The following THADA variants were observed in gnomAD, a reference collection of about 807,000 sequenced individuals.
THADA encodes the protein tRNA (32-2'-O)-methyltransferase regulator THADA.
Under a neutral mutation model 219.8 loss-of-function variants are expected in THADA, and 213 were observed. The ratio of observed to expected loss-of-function variants is 0.97; its 90% CI spans 0.87 to 1.09. THADA has a LOEUF of 1.09. Ranked by LOEUF, THADA falls within the 50% of genes least tolerant of loss-of-function variation. The pLI is 0.00. For synonymous variants in THADA, 1,018 were observed against 828.9 expected (o/e 1.23, Z -3.92); for missense variants, 2,956 against 2,311.3 (o/e 1.28, Z -5.72).
chr2:43,241,943 A>G (rs977442393), intron 36 of THADA, among the ~76,000 whole-genome samples: 1 of 152,182 alleles, frequency 6.6e-6, no homozygotes, highest in Non-Finnish European at 1.5e-5. Flanking sequence ...TGGTCTCCCC[A>G]CACTGCTATC....
At position 43,430,658 on chromosome 2, in the gene THADA, AG is replaced by A. The variant is rs1217715311; in HGVS notation, c.3837-357del. 8.7e-6 allele frequency: 4 copies of A among 458,144 alleles called. No homozygotes were observed. The Admixed American group carries it at 9.4e-5, about 11-fold the overall frequency. 28.4% of individuals were successfully genotyped at this position (458,144 alleles called of 1,614,324 possible). On this transcript the variant is annotated intron_variant, in intron 26 of 37. Transcript: ENST00000405975. The stretch of plus-strand genomic sequence containing the variant: ...ACACCAGATTGACTGAGACTGACTC[AG>A]CTTCAGTGATAAGGACAGGTCTAGA...
intron 15 of THADA, chr2:43,562,515 G>C (rs1698191117): frequency 1.3e-5 from 2 of 152,242 alleles, no homozygotes. Context: ...CAAAGTGGTG[G>C]GATTACAGGC....
At chr2:43,264,818 T>C (rs888080846) in intron 36 of THADA, among the ~76,000 whole-genome samples, 2 of 152,204 alleles carry the variant, frequency 1.3e-5, no homozygotes, top group African/African-American at 4.8e-5. Context: ...TTGGAAGATT[T>C]CTTGCACCCA....
At chr2:43,362,299 G>T (rs1329327690) in intron 29 of THADA, among the ~76,000 whole-genome samples, 3 of 152,142 alleles carry the variant, frequency 2.0e-5, no homozygotes, top group African/African-American at 7.2e-5. Flanking sequence ...AATTATGGGT[G>T]CATGTGTTTA....
Position 43,578,568 on chromosome 2 carries a change from G to C in THADA, c.761C>G (p.Ala254Gly), listed in dbSNP as rs2104068103. 1.2e-6 allele frequency: 2 copies of C among 1,612,830 alleles called. No homozygotes were observed. The highest frequency in any genetic ancestry group is 1.7e-6 in the Non-Finnish European group (2 of 1,179,108). The change falls in exon 9 of 38, where the codon GCT becomes GGT. Residue 254 changes from alanine to glycine, a missense_variant. Physicochemically the swap from Ala to Gly is moderately conservative, Grantham distance 60. Coordinates refer to ENST00000405975, the MANE Select transcript of THADA (RefSeq NM_022065.5). The part of the protein sequence containing the change: ...LQTVQSTSGL[A>G]IILFIKTMFH... Reference sequence around the variant, plus strand: ...CATAGTCTTAATAAAAAGAATAATAGCTAATCCAGATGTGCTCTGTACAGT... The same window carrying C: ...CATAGTCTTAATAAAAAGAATAATACCTAATCCAGATGTGCTCTGTACAGT...
intron 29 of THADA, among the ~76,000 whole-genome samples, chr2:43,382,913 C>G (rs1265769233): frequency 6.6e-6 from 1 of 152,036 alleles, no homozygotes; most frequent in Non-Finnish European, 1.5e-5. Flanking sequence ...AAAAAATTCT[C>G]AAAGAAGGAA....
chr2:43,586,620 C>A, intron 6 of THADA, 82 bp downstream of exon 6: 1 of 1,467,438 alleles, frequency 6.8e-7, no homozygotes, highest in Middle Eastern at 2.5e-4. Flanking sequence ...CTACCTATTA[C>A]CAAGAAACTT....
chr2:43,502,763 A>C (rs1421771017), intron 24 of THADA, among the ~76,000 whole-genome samples: 1 of 151,924 alleles, frequency 6.6e-6, no homozygotes, highest in African/African-American at 2.4e-5. Context: ...GAGACCACAA[A>C]GTAAAAAGAG....
At chr2:43,277,682 T>C (rs1170767586) in intron 36 of THADA, among the ~76,000 whole-genome samples, 1 of 152,244 alleles carries the variant, frequency 6.6e-6, no homozygotes, top group Non-Finnish European at 1.5e-5. Context: ...AATTTTTTCA[T>C]TGTAATTTTA....
At chr2:43,321,110 T>G (rs1373636376) in intron 30 of THADA, among the ~76,000 whole-genome samples, 1 of 152,220 alleles carries the variant, frequency 6.6e-6, no homozygotes, top group Non-Finnish European at 1.5e-5. Context: ...GGAGCAGCTC[T>G]TTGAACAACA....
At chr2:43,436,649 T>A (rs1030343696) in intron 26 of THADA, among the ~76,000 whole-genome samples, 1 of 152,048 alleles carries the variant, frequency 6.6e-6, no homozygotes, top group Admixed American at 6.5e-5. Context: ...ACTGGATAGG[T>A]TGGAATGACT....
chr2:43,368,913 T>C (rs1670484268), intron 29 of THADA, among the ~76,000 whole-genome samples: 1 of 152,158 alleles, frequency 6.6e-6, no homozygotes, highest in Admixed American at 6.5e-5. Context: ...TCTATAGCAA[T>C]GACACCTCTC....
rs191936920 is a variant in THADA, at chr2:43,305,961, C to G, written c.4439-12748G>C. Among the ~76,000 whole-genome samples the G allele has an allele frequency of 2.9e-4, 43 of 149,148 alleles. 2 individuals are homozygous for G. The East Asian group carries it at 5.7e-3, about 20-fold the overall frequency. ...CCCTCCCTCCCTTCTTCCCTCCCTC[C>G]CTCCCTCCCTTCTCTCTCTCTCTCT... On this transcript the variant is annotated intron_variant, in intron 31 of 37. Transcript: ENST00000405975.
intron 21 of THADA, among the ~76,000 whole-genome samples, chr2:43,532,412 C>CAAA (rs773523844): frequency 1.0e-3 from 47 of 47,164 alleles, no homozygotes; most frequent in African/African-American, 2.7e-3. Context: ...GACTCCACCT[C>CAAA]AAAAAAAAAA....
intron 22 of THADA, among the ~76,000 whole-genome samples, chr2:43,515,987 C>T (rs567814408): frequency 1.3e-5 from 2 of 152,232 alleles, no homozygotes; most frequent in East Asian, 1.9e-4. Flanking sequence ...AATAACAAAT[C>T]GATCTCTTCA....
At chr2:43,590,713 CT>C in intron 4 of THADA, 110 bp downstream of exon 4, 3 of 989,952 alleles carry the variant, frequency 3.0e-6, no homozygotes, top group Non-Finnish European at 4.3e-6. Flanking sequence ...TATGAATGAA[CT>C]TTTTGTGATC....
chr2:43,480,204 T>C (rs546393793), intron 26 of THADA, among the ~76,000 whole-genome samples: 32 of 152,338 alleles, frequency 2.1e-4, no homozygotes, highest in African/African-American at 7.0e-4. Flanking sequence ...GTCCCTCTTC[T>C]GTGAAATGAG....
chr2:43,404,837 C>G (rs972625953), intron 28 of THADA, among the ~76,000 whole-genome samples: 2 of 152,096 alleles, frequency 1.3e-5, no homozygotes, highest in African/African-American at 4.8e-5. Flanking sequence ...TTTGTACCTT[C>G]TATAAATGGG....
At chr2:43,381,506 G>A (rs898760603) in intron 29 of THADA, among the ~76,000 whole-genome samples, 2 of 152,054 alleles carry the variant, frequency 1.3e-5, no homozygotes, top group African/African-American at 4.8e-5. Context: ...GAAGAGGAGA[G>A]AAGCTCTATA....
Sources: gnomAD v4.1 joint callset for allele counts (sites outside exome capture counted in the v4.1 genomes callset) on GRCh38, gnomAD v4.1.1 for gene constraint, MANE v1.5 for transcripts, NCBI Gene and HGNC (gene_info 2026-07-23, HGNC 2026-07-21) for gene names.